Variants in ANKRD45 observed in about 807,000 individuals in gnomAD.
ANKRD45 encodes the protein ankyrin repeat domain 45.
Under a neutral mutation model 28.1 loss-of-function variants are expected in ANKRD45, and 21 were observed. The ratio of observed to expected loss-of-function variants is 0.75; its 90% CI spans 0.53 to 1.08. The LOEUF (loss-of-function observed/expected upper bound fraction) is 1.08, where lower values mean the gene tolerates loss of function less well. ANKRD45 is among the 50% of genes least tolerant of loss of function. ANKRD45 has a pLI of 0.00. For missense variants in ANKRD45, 261 were observed against 308.7 expected, an observed-to-expected ratio of 0.85 and a Z score of 1.16; for synonymous variants, 86 against 103.9, an observed-to-expected ratio of 0.83 and a Z score of 1.05.
At chr1:173,634,581 A>C (rs1270309209) in intron 3 of ANKRD45, among the ~76,000 whole-genome samples, 1 of 151,942 alleles carries the variant, frequency 6.6e-6, no homozygotes, top group East Asian at 1.9e-4. Context: ...CTACTCACAT[A>C]TCTTTTTCTG....
At chr1:173,628,078 T>C (rs188741353) in intron 3 of ANKRD45, among the ~76,000 whole-genome samples, 3 of 151,664 alleles carry the variant, frequency 2.0e-5, no homozygotes, top group Non-Finnish European at 4.4e-5. Context: ...GCAGGATTCA[T>C]CACCTGCTGA....
At chr1:173,685,547 G>A in the ANKRD45 span, among the ~76,000 whole-genome samples, 1 of 152,180 alleles carries the variant, frequency 6.6e-6, no homozygotes, top group African/African-American at 2.4e-5. Flanking sequence ...TTTAATGTGT[G>A]GAGGGAATAT....
At chr1:173,613,067 A>T in intron 5 of ANKRD45, among the ~76,000 whole-genome samples, 1 of 142,584 alleles carries the variant, frequency 7.0e-6, no homozygotes, top group South Asian at 2.2e-4. Flanking sequence ...CTGGGATGTG[A>T]GGAGCCCCTC....
the ANKRD45 span, among the ~76,000 whole-genome samples, chr1:173,711,061 T>C: frequency 6.6e-6 from 1 of 152,266 alleles, no homozygotes; most frequent in East Asian, 1.9e-4. Flanking sequence ...CCTGTGGGTC[T>C]CACCTACAAC....
chr1:173,666,761 A>ATT (rs894289588), intron 1 of ANKRD45, among the ~76,000 whole-genome samples: 1 of 150,254 alleles, frequency 6.7e-6, no homozygotes, highest in African/African-American at 2.4e-5. Flanking sequence ...TTTAAAAAAA[A>ATT]TTTTTTTTTT....
chr1:173,653,042 A>T (rs1283771699), intron 2 of ANKRD45, among the ~76,000 whole-genome samples: 3 of 152,124 alleles, frequency 2.0e-5, no homozygotes, highest in Non-Finnish European at 4.4e-5. Context: ...CTTTGCAAAA[A>T]AACAAGTCCT....
chr1:173,652,193 TC>T (rs1201851853), intron 2 of ANKRD45, among the ~76,000 whole-genome samples: 1 of 152,264 alleles, frequency 6.6e-6, no homozygotes, highest in East Asian at 1.9e-4. Context: ...AGGGAATGCT[TC>T]CAGTTTTTGC....
At chr1:173,616,352 G>A (rs1419723760) in intron 5 of ANKRD45, among the ~76,000 whole-genome samples, 4 of 152,052 alleles carry the variant, frequency 2.6e-5, no homozygotes, top group Non-Finnish European at 5.9e-5. Flanking sequence ...AAAAAAAAAT[G>A]TTCAGAGAAG....
intron 5 of ANKRD45, among the ~76,000 whole-genome samples, chr1:173,613,119 C>T (rs1390758128): frequency 6.6e-6 from 1 of 151,864 alleles, no homozygotes; most frequent in Non-Finnish European, 1.5e-5. Flanking sequence ...CGCCTCTTCC[C>T]GGCCGCCATC....
intron 1 of ANKRD45, among the ~76,000 whole-genome samples, chr1:173,662,388 C>T (rs1212212716): frequency 6.6e-6 from 1 of 152,190 alleles, no homozygotes; most frequent in African/African-American, 2.4e-5. Flanking sequence ...TTAATCCCTT[C>T]CTTCTGTAAA....
the ANKRD45 span, among the ~76,000 whole-genome samples, chr1:173,702,750 C>A: frequency 8.8e-4 from 114 of 129,084 alleles, no homozygotes; most frequent in Admixed American, 1.1e-3. Context: ...GAGATAGGGT[C>A]TCACTTTCTT....
chr1:173,660,953 C>T (rs565097307), intron 1 of ANKRD45, among the ~76,000 whole-genome samples: 3 of 152,110 alleles, frequency 2.0e-5, no homozygotes, highest in Non-Finnish European at 4.4e-5. Context: ...ACCTAACAAG[C>T]TTAGGGCTCA....
At chr1:173,698,977 T>C in the ANKRD45 span, among the ~76,000 whole-genome samples, 2 of 151,320 alleles carry the variant, frequency 1.3e-5, no homozygotes, top group East Asian at 3.9e-4. Flanking sequence ...CAATAAAAAA[T>C]GATAAAAAGG....
At chr1:173,613,382 C>G (rs1219487327) in intron 5 of ANKRD45, among the ~76,000 whole-genome samples, 1 of 151,306 alleles carries the variant, frequency 6.6e-6, no homozygotes, top group Non-Finnish European at 1.5e-5. Flanking sequence ...AAGTGAGGAG[C>G]CCCTCCGCCT....
At chr1:173,632,022 A>T (rs947281589) in intron 3 of ANKRD45, among the ~76,000 whole-genome samples, 3 of 152,010 alleles carry the variant, frequency 2.0e-5, no homozygotes, top group East Asian at 1.9e-4. Flanking sequence ...TTGAAATTTT[A>T]AAAAAATTCA....
At chr1:173,612,024 A>C (rs969123989) in intron 5 of ANKRD45, among the ~76,000 whole-genome samples, 1 of 152,110 alleles carries the variant, frequency 6.6e-6, no homozygotes, top group Non-Finnish European at 1.5e-5. Context: ...CAAGTAGATC[A>C]CTTGAGCCCA....
chr1:173,705,771 G>A, the ANKRD45 span, among the ~76,000 whole-genome samples: 1 of 151,908 alleles, frequency 6.6e-6, no homozygotes, highest in Non-Finnish European at 1.5e-5. Flanking sequence ...TCAAAATCTG[G>A]CTGCCATCCC....
At chr1:173,621,729 C>T (rs879291076) in intron 5 of ANKRD45, among the ~76,000 whole-genome samples, 23 of 152,104 alleles carry the variant, frequency 1.5e-4, no homozygotes, top group Admixed American at 2.6e-4. Flanking sequence ...TGGAAGCATT[C>T]CCCTTGAAAA....
upstream of ANKRD45, among the ~76,000 whole-genome samples, chr1:173,670,724 T>C (rs921490735): frequency 4.6e-5 from 7 of 152,198 alleles, no homozygotes; most frequent in Admixed American, 4.6e-4. Flanking sequence ...AGTTGTTAAC[T>C]GTCTCTCTAA....
Sources: gnomAD v4.1 joint callset for allele counts (sites outside exome capture counted in the v4.1 genomes callset) on GRCh38, gnomAD v4.1.1 for gene constraint, MANE v1.5 for transcripts, NCBI Gene and HGNC (gene_info 2026-07-23, HGNC 2026-07-21) for gene names.